Variants in ARSK observed in about 807,000 individuals in gnomAD.
ARSK encodes the protein arylsulfatase family member K.
Under a neutral mutation model 53.2 loss-of-function variants are expected in ARSK, and 37 were observed. That is an observed-to-expected ratio of 0.70 (90% confidence interval 0.54 to 0.92). ARSK has a LOEUF of 0.92. Among genes scored for constraint, ARSK ranks in the 40% least tolerant of loss-of-function variants. The pLI, the probability that ARSK is intolerant of heterozygous loss-of-function variation, is 0.00. For missense variants in ARSK, 613 were observed against 643.0 expected (o/e 0.95, Z 0.51); for synonymous variants, 208 against 223.2 (o/e 0.93, Z 0.61).
In ARSK at chr5:95,591,603, G is replaced by A. The variant is rs183874266; in HGVS notation, c.1074G>A (p.Val358=). The A allele has an allele frequency of 3.7e-6, 6 of 1,614,048 alleles. No homozygotes were observed. In the Admixed American group the frequency reaches 8.3e-5, roughly 22 times the overall value. ...GLQVSNVVSL[V]DIYPTMLDIA... is the part of the protein sequence containing the mutation. Reference sequence around the variant, plus strand: ...AAGTATCAAATGTGGTTTCTCTTGTGGATATTTACCCTACCATGCTTGGTA... The same window carrying A: ...AAGTATCAAATGTGGTTTCTCTTGTAGATATTTACCCTACCATGCTTGGTA... The change falls in exon 6 of 8, where the codon GTG becomes GTA. Residue 358 remains valine (V), a synonymous_variant. Transcript: ENST00000380009.
At chr5:95,576,943 A>G (rs1748934530) in intron 3 of ARSK, among the ~76,000 whole-genome samples, 1 of 152,212 alleles carries the variant, frequency 6.6e-6, no homozygotes, top group Admixed American at 6.5e-5. Flanking sequence ...ATTTCATGCA[A>G]GACTCCATCA....
chr5:95,604,701 C>G lies in ARSK; in HGVS notation c.*1175C>G, dbSNP rs146062540. 6.6e-6 allele frequency: 1 copy of G among 152,184 alleles called. No homozygotes were observed. The highest frequency in any genetic ancestry group is 1.9e-4 in the East Asian group (1 of 5,194). The allele number at this position is 152,184 out of a possible 1,614,324, so 9.4% of individuals were successfully genotyped here. A position where few individuals can be genotyped will look rare whatever the true frequency, so the allele number is the denominator to read the frequency against. On this transcript the variant is annotated 3_prime_UTR_variant, in exon 8 of 8. Coordinates refer to ENST00000380009, the MANE Select transcript of ARSK (RefSeq NM_198150.3). ...GTCTTCTTATCCTTTGCCAACCTAA[C>G]AGATAAAAATGTTCTATTTTTATTT... is the stretch of plus-strand genomic sequence containing the variant.
Position 95,586,647 on chromosome 5 carries a change from A to G in ARSK, c.785A>G (p.Asn262Ser). The change falls in exon 5 of 8, where the codon AAC (asparagine) becomes AGC (serine). Residue 262 changes from asparagine to serine, a missense_variant. Transcript: ENST00000380009. ...PVDYYSSYTKNCTGRFTKKEI... is the reference protein window; with the variant it reads ...PVDYYSSYTKSCTGRFTKKEI... ...GATTATTACTCTTCTTATACAAAAA[A>G]CTGCACTGGAAGATTTACAAAAAAA... 1 of 1,611,350 alleles carries G rather than the reference A, an allele frequency of 6.2e-7. No homozygotes were observed. The highest frequency in any genetic ancestry group is 1.1e-5 in the South Asian group (1 of 90,700).
At chr5:95,574,317 C>A (rs1206354452) in intron 3 of ARSK, among the ~76,000 whole-genome samples, 1 of 152,178 alleles carries the variant, frequency 6.6e-6, no homozygotes, top group Admixed American at 6.5e-5. Context: ...CATGGAAGTG[C>A]AGATATCTCT....
At chr5:95,558,629 G>A (rs184836034) in intron 1 of ARSK, among the ~76,000 whole-genome samples, 2 of 152,238 alleles carry the variant, frequency 1.3e-5, no homozygotes, top group Non-Finnish European at 2.9e-5. Flanking sequence ...AAATTGCTAG[G>A]AAGGCAGAAA....
chr5:95,558,028 G>T (rs1418654747), intron 1 of ARSK, among the ~76,000 whole-genome samples: 2 of 152,142 alleles, frequency 1.3e-5, no homozygotes. Context: ...AGGTGGGTGT[G>T]GCCAAGAAGA....
intron 3 of ARSK, among the ~76,000 whole-genome samples, chr5:95,573,336 C>T (rs1183507954): frequency 6.6e-6 from 1 of 152,028 alleles, no homozygotes; most frequent in Non-Finnish European, 1.5e-5. Flanking sequence ...AAATTTCTAA[C>T]ATCAGTATAA....
chr5:95,568,178 T>TTAA, intron 3 of ARSK, 129 bp downstream of exon 3: 1 of 962,914 alleles, frequency 1.0e-6, no homozygotes, highest in Non-Finnish European at 1.5e-6. Flanking sequence ...CTTCATTGTG[T>TTAA]TAATTAGGCT....
intron 1 of ARSK, among the ~76,000 whole-genome samples, chr5:95,563,265 C>T (rs981344631): frequency 6.6e-6 from 1 of 152,046 alleles, no homozygotes; most frequent in Admixed American, 6.6e-5. Context: ...TCCTAGGAAC[C>T]AAATTTTGCA....
At chr5:95,585,080 A>T (rs962472011) in intron 4 of ARSK, among the ~76,000 whole-genome samples, 5 of 152,200 alleles carry the variant, frequency 3.3e-5, no homozygotes, top group Non-Finnish European at 5.9e-5. Context: ...ATATGAGAAA[A>T]GGCTCAACAT....
intron 6 of ARSK, among the ~76,000 whole-genome samples, chr5:95,599,233 CAT>C (rs1749358723): frequency 6.6e-6 from 1 of 152,164 alleles, no homozygotes; most frequent in Admixed American, 6.5e-5. Flanking sequence ...ACAGGAGAAA[CAT>C]AAGTTTCTTA....
At chr5:95,568,104 A>C (rs2112417921) in intron 3 of ARSK, 55 bp downstream of exon 3, 2 of 1,508,042 alleles carry the variant, frequency 1.3e-6, no homozygotes, top group Non-Finnish European at 1.8e-6. Context: ...TAGCGTGTAC[A>C]TGTACTCTTT....
chr5:95,573,516 A>G lies in ARSK; in HGVS notation c.416+5467A>G, dbSNP rs1320504171. 2.0e-5 allele frequency among the ~76,000 whole-genome samples: 3 copies of G among 152,230 alleles called. No homozygotes were observed. In the South Asian group the frequency reaches 6.2e-4, roughly 32 times the overall value. ...TTTAGATGATGCAAATACAATAGCAATCACAGCACAAAATTCTTCAGTGTC... is the reference window on the plus strand; with the variant it reads ...TTTAGATGATGCAAATACAATAGCAGTCACAGCACAAAATTCTTCAGTGTC... On this transcript the variant is annotated intron_variant, in intron 3 of 7. Transcript: ENST00000380009.
At chr5:95,561,086 G>A (rs1351914358) in intron 1 of ARSK, among the ~76,000 whole-genome samples, 3 of 152,118 alleles carry the variant, frequency 2.0e-5, no homozygotes, top group East Asian at 1.9e-4. Context: ...TGGGATTACC[G>A]GCATGAACCA....
chr5:95,572,181 C>A (rs1333225241), intron 3 of ARSK, among the ~76,000 whole-genome samples: 1 of 152,100 alleles, frequency 6.6e-6, no homozygotes, highest in Non-Finnish European at 1.5e-5. Context: ...ACTAGGATCG[C>A]TATGGGCTGC....
At chr5:95,575,348 G>A (rs1580220834) in intron 3 of ARSK, among the ~76,000 whole-genome samples, 2 of 134,382 alleles carry the variant, frequency 1.5e-5, no homozygotes, top group South Asian at 5.2e-4. Context: ...GTTGTTTTTT[G>A]TTTGTTTGTT....
Position 95,603,248 on chromosome 5 carries a change from G to C in ARSK, c.1333G>C (p.Asp445His). 1 of 1,566,538 alleles carries C rather than the reference G, an allele frequency of 6.4e-7. No homozygotes were observed. The highest frequency in any genetic ancestry group is 8.6e-7 in the Non-Finnish European group (1 of 1,158,866). ...ILPQLFDLSSDPDELTNVAVK... is the reference protein window; with the variant it reads ...ILPQLFDLSSHPDELTNVAVK... Reference sequence around the variant, plus strand: ...TTTTTTTCTTTCAGATCTTTCCTCGGATCCAGATGAATTAACAAATGTTGC... The same window carrying C: ...TTTTTTTCTTTCAGATCTTTCCTCGCATCCAGATGAATTAACAAATGTTGC... Residue 445 changes from aspartate (D) to histidine (H), a missense_variant, in exon 8 of 8, where the codon GAT becomes CAT. Asp to His is a moderately conservative substitution (Grantham distance 81). Transcript: ENST00000380009.
At chr5:95,567,822 G>A (rs1748751012) in intron 2 of ARSK, 68 bp from the exon 3 acceptor site, 1 of 1,468,878 alleles carries the variant, frequency 6.8e-7, no homozygotes, top group Non-Finnish European at 9.2e-7. Context: ...CTCTCTCAGA[G>A]TAATTGTCCT....
At chr5:95,562,956 C>T (rs1748667503) in intron 1 of ARSK, among the ~76,000 whole-genome samples, 1 of 152,182 alleles carries the variant, frequency 6.6e-6, no homozygotes, top group Non-Finnish European at 1.5e-5. Context: ...CCATTGTAAA[C>T]CACATTAACA....
Sources: allele counts gnomAD v4.1 joint callset (sites outside exome capture counted in the v4.1 genomes callset), GRCh38; gene constraint gnomAD v4.1.1; transcripts MANE v1.5; gene names NCBI Gene and HGNC (gene_info 2026-07-23, HGNC 2026-07-21).